SORCS2: variants seen among roughly 807,000 people sequenced by gnomAD.
SORCS2 encodes sortilin related VPS10 domain containing receptor 2.
In SORCS2, 100 loss-of-function variants were observed where a neutral mutation model predicts 141.6. The ratio of observed to expected loss-of-function variants is 0.71; its 90% CI spans 0.60 to 0.83. SORCS2 has a LOEUF of 0.83. Ranked by LOEUF, SORCS2 falls within the 40% of genes least tolerant of loss-of-function variation. The pLI, the probability that SORCS2 is intolerant of heterozygous loss-of-function variation, is 0.00. For synonymous variants in SORCS2, 789 were observed against 676.9 expected, an observed-to-expected ratio of 1.17 and a Z score of -2.57; for missense variants, 1,646 against 1,560.2, an observed-to-expected ratio of 1.05 and a Z score of -0.93.
intron 2 of SORCS2, among the ~76,000 whole-genome samples, chr4:7,455,394 GCTGTGTTGGGGTCAGGCA>G (rs1330071150): frequency 1.1e-4 from 13 of 117,266 alleles, no homozygotes; most frequent in African/African-American, 3.4e-4. Flanking sequence ...GGGGTCAGGT[GCTGTGTTGGGGTCAGGCA>G]CTGTGTTGGG....
intron 1 of SORCS2, among the ~76,000 whole-genome samples, chr4:7,301,454 A>T (rs922510789): frequency 5.3e-5 from 8 of 152,170 alleles, no homozygotes; most frequent in Non-Finnish European, 1.0e-4. Context: ...TCAATATCAC[A>T]CAAAGTTCTC....
intron 3 of SORCS2, among the ~76,000 whole-genome samples, chr4:7,563,202 C>T: frequency 6.6e-6 from 1 of 152,076 alleles, no homozygotes; most frequent in South Asian, 2.1e-4. Flanking sequence ...CAGGCATGCC[C>T]AGATGTGCAG....
At chr4:7,589,547 C>T (rs555208168) in intron 3 of SORCS2, among the ~76,000 whole-genome samples, 15 of 152,160 alleles carry the variant, frequency 9.9e-5, no homozygotes, top group African/African-American at 3.1e-4. Context: ...GGACTATAGG[C>T]GCCTGCCACC....
intron 2 of SORCS2, among the ~76,000 whole-genome samples, chr4:7,466,129 G>A (rs1433479834): frequency 6.6e-6 from 1 of 152,218 alleles, no homozygotes; most frequent in Admixed American, 6.5e-5. Flanking sequence ...TTCTCTGAGT[G>A]GTTTCTGCTG....
Position 7,286,718 on chromosome 4 carries a change from C to G in SORCS2, c.480+93592C>G, listed in dbSNP as rs1346291874. On this transcript the variant is annotated intron_variant, in intron 1 of 26. Coordinates refer to ENST00000507866, the MANE Select transcript of SORCS2 (RefSeq NM_020777.3). The surrounding 1 kb of genome is among the most constrained non-coding windows in gnomAD (Gnocchi z 4.1). ...GCCTTCTGGCCTGGCACTTTTTCCACAATGCCTCAGAGGTTGCACATGTTC... is the reference window on the plus strand; with the variant it reads ...GCCTTCTGGCCTGGCACTTTTTCCAGAATGCCTCAGAGGTTGCACATGTTC... 6.6e-6 allele frequency among the ~76,000 whole-genome samples: 1 copy of G among 152,208 alleles called. No homozygotes were observed. The highest frequency in any genetic ancestry group is 1.5e-5 in the Non-Finnish European group (1 of 68,040).
At chr4:7,403,329 C>G (rs1277021882) in intron 2 of SORCS2, among the ~76,000 whole-genome samples, 3 of 152,116 alleles carry the variant, frequency 2.0e-5, no homozygotes, top group Non-Finnish European at 4.4e-5. Context: ...CTGAGGCCAC[C>G]AGGACATGTT....
rs141585881 is a variant in SORCS2, at chr4:7,581,604, G to T, written c.648+49975G>T. Among the ~76,000 whole-genome samples, 6 of 152,302 alleles carry T rather than the reference G, an allele frequency of 3.9e-5. No homozygotes were observed. In the East Asian group the frequency reaches 1.2e-3, roughly 29 times the overall value. On this transcript the variant is annotated intron_variant, in intron 3 of 26. Transcript: ENST00000507866. ...TAACTGTAGCTAGGCCTGGTCATTT[G>T]AGGCCCAGCAAACTCCACCCAGGAC...
In SORCS2 at chr4:7,193,619, A is replaced by C. The variant is rs1319915847; in HGVS notation, c.480+493A>C. 2.0e-5 allele frequency among the ~76,000 whole-genome samples: 3 copies of C among 152,050 alleles called. No individual in the cohort carries two copies. The highest frequency in any genetic ancestry group is 4.4e-5 in the Non-Finnish European group (3 of 68,006). On this transcript the variant is annotated intron_variant, in intron 1 of 26. Coordinates refer to ENST00000507866, the MANE Select transcript of SORCS2 (RefSeq NM_020777.3). This position sits in a 1 kb window ranked among gnomAD's most constrained non-coding sequence, Gnocchi z 4.8. ...CTCCGGGACTTCCCCGGTCAGCTCG[A>C]ATCCTGTTCTGGGACTCTGGGATTT...
intron 3 of SORCS2, among the ~76,000 whole-genome samples, chr4:7,565,822 AATGGTGATGATG>A (rs1714940484): frequency 1.0e-5 from 1 of 99,916 alleles, no homozygotes; most frequent in Admixed American, 1.2e-4. Context: ...TGATGATGGC[AATGGTGATGATG>A]ATGGTGATGG....
chr4:7,417,073 C>T (rs1340484454), intron 2 of SORCS2, among the ~76,000 whole-genome samples: 1 of 152,118 alleles, frequency 6.6e-6, no homozygotes, highest in African/African-American at 2.4e-5. Context: ...ATGAAGCCCC[C>T]CACCCCGGGG....
Position 7,193,385 on chromosome 4 carries a change from C to T in SORCS2, c.480+259C>T, listed in dbSNP as rs190073637. Among the ~76,000 whole-genome samples, 51 of 152,310 alleles carry T rather than the reference C, an allele frequency of 3.3e-4. No individual in the cohort carries two copies. The highest frequency in any genetic ancestry group is 5.1e-4 in the Non-Finnish European group (35 of 68,032). ...AGATTTCGGGATCCTGGGCCACCTC[C>T]GATACTCCCCCACTGGCCTCCAGGT... On this transcript the variant is annotated intron_variant, in intron 1 of 26. Transcript: ENST00000507866. The surrounding 1 kb of genome is among the most constrained non-coding windows in gnomAD (Gnocchi z 4.8).
chr4:7,641,818 G>GGA (rs1560449730), intron 4 of SORCS2, among the ~76,000 whole-genome samples: 41 of 55,994 alleles, frequency 7.3e-4, no homozygotes, highest in Middle Eastern at 0.01. Context: ...GGATGGATGG[G>GGA]TGGGTGGATG....
At chr4:7,733,041 CA>C (rs1313934241) in intron 23 of SORCS2, among the ~76,000 whole-genome samples, 2 of 150,664 alleles carry the variant, frequency 1.3e-5, no homozygotes, top group African/African-American at 4.9e-5. Context: ...TCCCTCTCCC[CA>C]CCCCTCTGGT....
intron 1 of SORCS2, among the ~76,000 whole-genome samples, chr4:7,258,506 A>G (rs963174586): frequency 2.0e-5 from 3 of 152,296 alleles, no homozygotes; most frequent in Non-Finnish European, 2.9e-5. Flanking sequence ...ATAGTATCCC[A>G]TGGTGTATAT....
intron 1 of SORCS2, among the ~76,000 whole-genome samples, chr4:7,246,080 G>A (rs1397514775): frequency 1.3e-5 from 2 of 152,228 alleles, no homozygotes; most frequent in African/African-American, 4.8e-5. Context: ...TGAGACTCCA[G>A]TTTAAGGGGG....
At chr4:7,416,855 C>A (rs897808141) in intron 2 of SORCS2, among the ~76,000 whole-genome samples, 6 of 152,106 alleles carry the variant, frequency 3.9e-5, no homozygotes, top group African/African-American at 1.4e-4. Flanking sequence ...TGCATGCACA[C>A]ACACACTTGT....
intron 3 of SORCS2, among the ~76,000 whole-genome samples, chr4:7,574,965 G>C (rs1490744518): frequency 6.6e-6 from 1 of 152,222 alleles, no homozygotes; most frequent in African/African-American, 2.4e-5. Context: ...CACTCCAGAT[G>C]CCTGAGAGCC....
At chr4:7,666,635 A>G (rs1211552414) in intron 7 of SORCS2, among the ~76,000 whole-genome samples, 1 of 152,184 alleles carries the variant, frequency 6.6e-6, no homozygotes, top group Non-Finnish European at 1.5e-5. Context: ...GACCTGCCAC[A>G]GTCCTGTCCT....
chr4:7,525,085 C>T (rs2109519945), intron 2 of SORCS2, among the ~76,000 whole-genome samples: 1 of 152,332 alleles, frequency 6.6e-6, no homozygotes, highest in Non-Finnish European at 1.5e-5. Context: ...TTGTTCCTTG[C>T]AATAAATCTT....
Sources: allele counts gnomAD v4.1 joint callset (sites outside exome capture counted in the v4.1 genomes callset), GRCh38; gene constraint gnomAD v4.1.1; non-coding constraint Gnocchi (gnomAD v3.1); transcripts MANE v1.5; gene names NCBI Gene and HGNC (gene_info 2026-07-23, HGNC 2026-07-21).